The following TTBK1 variants were observed in gnomAD, a reference collection of about 807,000 sequenced individuals.
TTBK1 encodes the protein tau-tubulin kinase 1.
A neutral mutation model predicts 108.5 loss-of-function variants in TTBK1; 34 were observed. The observed-to-expected ratio is 0.31, with a 90% CI of 0.24 to 0.42. The LOEUF (loss-of-function observed/expected upper bound fraction) is 0.42. Among genes scored for constraint, TTBK1 ranks in the 10% least tolerant of loss-of-function variants. The pLI, the probability that TTBK1 is intolerant of heterozygous loss-of-function variation, is 1.00. For synonymous variants in TTBK1, 809 were observed against 795.1 expected (o/e 1.02, Z -0.29); for missense variants, 1,539 against 1,826.0 (o/e 0.84, Z 2.86).
Position 43,259,409 on chromosome 6 carries a change from TC to T in TTBK1, c.1249-118del. 1 of 1,315,576 alleles carries T rather than the reference TC, an allele frequency of 7.6e-7. No individual in the cohort carries two copies. The highest frequency in any genetic ancestry group is 1.0e-6 in the Non-Finnish European group (1 of 969,752). 81.5% of individuals were successfully genotyped at this position (1,315,576 alleles called of 1,614,324 possible). A position where few individuals can be genotyped will look rare whatever the true frequency, so the allele number is the denominator to read the frequency against. Reference sequence around the variant, plus strand: ...TGCCCTGCCTCTGTTTCCCGGTCCCTCCCCGCACTAGCCTCGCTGTGTCTTC... The same window carrying T: ...TGCCCTGCCTCTGTTTCCCGGTCCCTCCCGCACTAGCCTCGCTGTGTCTTC... On this transcript the variant is annotated intron_variant, in intron 11 of 14. Coordinates refer to ENST00000259750, the MANE Select transcript of TTBK1 (RefSeq NM_032538.3). The surrounding 1 kb of genome is among the most constrained non-coding windows in gnomAD (Gnocchi z 6.7).
intron 13 of TTBK1, among the ~76,000 whole-genome samples, chr6:43,266,998 CGTGTGTGTGTGTGT>C (rs3997628): frequency 0.017 from 2,123 of 128,184 alleles, 23 homozygotes; most frequent in African/African-American, 0.031. Flanking sequence ...CTGGAGCATG[CGTGTGTGTGTGTGT>C]GTGTGTGTGT....
At position 43,271,059 on chromosome 6, in the gene TTBK1, C is replaced by T. The variant is rs1325739009; in HGVS notation, c.1986+7709C>T. The T allele has an allele frequency of 5.1e-6, 5 of 985,356 alleles. No individual in the cohort carries two copies. The South Asian group carries it at 1.4e-4, about 28-fold the overall frequency. The allele number at this position is 985,356 out of a possible 1,614,324, so 61.0% of individuals were successfully genotyped here. A position where few individuals can be genotyped will look rare whatever the true frequency, so the allele number is the denominator to read the frequency against. On this transcript the variant is annotated intron_variant, in intron 13 of 14. Transcript: ENST00000259750. ...CTGCCTCTTCTGCCCATTTCTCAGCCCCCAACCTTCACTGCAGGGAGCCCA... is the reference window on the plus strand; with the variant it reads ...CTGCCTCTTCTGCCCATTTCTCAGCTCCCAACCTTCACTGCAGGGAGCCCA...
chr6:43,269,096 T>C lies in TTBK1; in HGVS notation c.1986+5746T>C, dbSNP rs1777755883. ...GGAGTTGGGATTCAAACACGAGTAA[T>C]TGGGCTCTAGAGTACCACCTTATGC... On this transcript the variant is annotated intron_variant, in intron 13 of 14. Transcript: ENST00000259750. The surrounding 1 kb of genome is among the most constrained non-coding windows in gnomAD (Gnocchi z 4.8). Among the ~76,000 whole-genome samples the C allele has an allele frequency of 1.3e-5, 2 of 152,226 alleles. No homozygotes were observed. The highest frequency in any genetic ancestry group is 4.8e-5 in the African/African-American group (2 of 41,468).
intron 2 of TTBK1, among the ~76,000 whole-genome samples, chr6:43,249,563 CCT>C (rs1029411682): frequency 1.3e-5 from 2 of 151,368 alleles, no homozygotes; most frequent in Admixed American, 6.6e-5. Flanking sequence ...ATTTTTTTCC[CCT>C]GATGATTTTT....
intron 13 of TTBK1, chr6:43,270,184 G>A (rs926582631): frequency 4.5e-6 from 6 of 1,346,304 alleles, no homozygotes; most frequent in Non-Finnish European, 4.7e-6. Context: ...GCCAAATGGT[G>A]CAGGGAGGGG....
rs749009814 is a variant in TTBK1, at chr6:43,246,706, G to C, written c.46G>C (p.Gly16Arg). 1.9e-6 allele frequency: 3 copies of C among 1,612,274 alleles called. No individual in the cohort carries two copies. Among genetic ancestry groups the C allele is most frequent in the Admixed American group, 3.3e-5 (2 of 59,776 alleles). The change falls in exon 2 of 15, where the codon GGG (glycine) becomes CGG (arginine). Residue 16 changes from glycine to arginine, a missense_variant. This residue lies in a region of TTBK1 where 45 missense variants were observed against 38.0 expected (regional missense o/e 1.19). Transcript: ENST00000259750. ...CCTTAAGGACGAAACCAACATGAGT[G>C]GGGGAGGGGAGCAGGCCGACATCCT... ...AALKDETNMS[G>R]GGEQADILPA...
intron 13 of TTBK1, chr6:43,271,014 G>T: frequency 1.0e-6 from 1 of 985,472 alleles, no homozygotes. Context: ...GTGGGGAAGT[G>T]TCAGGATGCC....
chr6:43,248,479 TTGG>T (rs1263195211), intron 2 of TTBK1, among the ~76,000 whole-genome samples: 1 of 151,980 alleles, frequency 6.6e-6, no homozygotes, highest in Non-Finnish European at 1.5e-5. Context: ...TCCCAGCACT[TTGG>T]GAGGTTGAGG....
rs763108283 is a variant in TTBK1, at chr6:43,283,026, AGAG to A, written c.2298_2300del (p.Glu771del). On this transcript the variant is annotated inframe_deletion, in exon 14 of 15. Coordinates refer to ENST00000259750, the MANE Select transcript of TTBK1 (RefSeq NM_032538.3). This position sits in a 1 kb window ranked among gnomAD's most constrained non-coding sequence, Gnocchi z 8.1. ...AGGAAGAGGAAGAGGAGGAGGAAGAAGAGGAGGAGGAGGAAGAGGAGGAGGAGG... is the reference window on the plus strand; with the variant it reads ...AGGAAGAGGAAGAGGAGGAGGAAGAAGAGGAGGAGGAAGAGGAGGAGGAGG... 1.3e-4 allele frequency: 199 copies of A among 1,589,500 alleles called. No homozygotes were observed. Among genetic ancestry groups the A allele is most frequent in the Middle Eastern group, 1.2e-3 (7 of 5,842 alleles).
In TTBK1 at chr6:43,282,098, G is replaced by A. The variant is rs1778180278; in HGVS notation, c.1987-629G>A. 6.6e-6 allele frequency among the ~76,000 whole-genome samples: 1 copy of A among 152,224 alleles called. No individual in the cohort carries two copies. Among genetic ancestry groups the A allele is most frequent in the Non-Finnish European group, 1.5e-5 (1 of 68,040 alleles). ...CTGAGAGGATGGATTGGAGGTCGAGGGGCCCAGCCTGCACTTTTAAGGGTA... is the reference window on the plus strand; with the variant it reads ...CTGAGAGGATGGATTGGAGGTCGAGAGGCCCAGCCTGCACTTTTAAGGGTA... On this transcript the variant is annotated intron_variant, in intron 13 of 14. Coordinates refer to ENST00000259750, the MANE Select transcript of TTBK1 (RefSeq NM_032538.3). This position sits in a 1 kb window ranked among gnomAD's most constrained non-coding sequence, Gnocchi z 5.4.
intron 13 of TTBK1, among the ~76,000 whole-genome samples, chr6:43,266,839 C>T (rs1010836395): frequency 5.3e-5 from 8 of 152,132 alleles, no homozygotes; most frequent in African/African-American, 1.9e-4. Context: ...TGGTCTTGAG[C>T]TCCTGACCTC....
chr6:43,279,893 G>A (rs1478077489), intron 13 of TTBK1, among the ~76,000 whole-genome samples: 5 of 151,760 alleles, frequency 3.3e-5, no homozygotes, highest in South Asian at 2.1e-4. Flanking sequence ...GACCACAGGC[G>A]TGCACAACCA....
Position 43,253,425 on chromosome 6 carries a change from T to TA in TTBK1, c.330+62dup. On this transcript the variant is annotated intron_variant, in intron 4 of 14. Transcript: ENST00000259750. The surrounding 1 kb of genome is among the most constrained non-coding windows in gnomAD (Gnocchi z 5.8). ...AAGAGCTTGGGCTGTGACTCCAGGG[T>TA]AGGGGAAGGGAAGGTAGACTGTGGC... The TA allele has an allele frequency of 6.2e-7, 1 of 1,606,198 alleles. No homozygotes were observed. The highest frequency in any genetic ancestry group is 8.5e-7 in the Non-Finnish European group (1 of 1,174,466).
chr6:43,286,450 G>T lies in TTBK1; in HGVS notation c.*1074G>T, dbSNP rs1778384880. On this transcript the variant is annotated 3_prime_UTR_variant, in exon 15 of 15. Transcript: ENST00000259750. This position sits in a 1 kb window ranked among gnomAD's most constrained non-coding sequence, Gnocchi z 4.6. ...TCGGAGATTCGGGGACTCAGTTCTGGTGGGGTCACCCTCCCTGTCCTCCCG... is the reference window on the plus strand; with the variant it reads ...TCGGAGATTCGGGGACTCAGTTCTGTTGGGGTCACCCTCCCTGTCCTCCCG... The T allele has an allele frequency of 6.6e-6, 1 of 152,644 alleles. No homozygotes were observed. Among genetic ancestry groups the T allele is most frequent in the Non-Finnish European group, 1.5e-5 (1 of 68,082 alleles). 9.5% of individuals were successfully genotyped at this position (152,644 alleles called of 1,614,324 possible). A position where few individuals can be genotyped will look rare whatever the true frequency, so the allele number is the denominator to read the frequency against.
At position 43,285,271 on chromosome 6, in the gene TTBK1, CT is replaced by C; in HGVS notation, c.3862del (p.Ser1288ProfsTer95). On this transcript the variant is annotated frameshift_variant, in exon 15 of 15. Coordinates refer to ENST00000259750, the MANE Select transcript of TTBK1 (RefSeq NM_032538.3). LOFTEE classifies it high-confidence loss of function. The surrounding 1 kb of genome is among the most constrained non-coding windows in gnomAD (Gnocchi z 4.7). Reference sequence around the variant, plus strand: ...CCCGGGCCCAGCCTGATGGCACCCCCTCCCCCGGGGGCTCCAAGAAAGGACC... The same window carrying C: ...CCCGGGCCCAGCCTGATGGCACCCCCCCCCCGGGGGCTCCAAGAAAGGACC... ...PARAQPDGTP[S>X]PGGSKKGPRG... 7.7e-7 allele frequency: 1 copy of C among 1,293,464 alleles called. No individual in the cohort carries two copies. The highest frequency in any genetic ancestry group is 9.8e-7 in the Non-Finnish European group (1 of 1,024,508). The allele number at this position is 1,293,464 out of a possible 1,614,324, so 80.1% of individuals were successfully genotyped here. A position where few individuals can be genotyped will look rare whatever the true frequency, so the allele number is the denominator to read the frequency against.
intron 13 of TTBK1, chr6:43,272,355 G>A (rs1026523587): frequency 1.4e-5 from 14 of 985,444 alleles, no homozygotes; most frequent in African/African-American, 3.5e-5. Flanking sequence ...GTGAAATATT[G>A]AAGATGATGG....
In TTBK1 at chr6:43,265,929, G is replaced by C. The variant is rs905670517; in HGVS notation, c.1986+2579G>C. On this transcript the variant is annotated intron_variant, in intron 13 of 14. Coordinates refer to ENST00000259750, the MANE Select transcript of TTBK1 (RefSeq NM_032538.3). The surrounding 1 kb of genome is among the most constrained non-coding windows in gnomAD (Gnocchi z 4.1). Reference sequence around the variant, plus strand: ...TTTTCTTACCTGCAGATTCCTACCTGTGTCCTGGGACTCATCCTCACTTTG... The same window carrying C: ...TTTTCTTACCTGCAGATTCCTACCTCTGTCCTGGGACTCATCCTCACTTTG... 1.3e-5 allele frequency among the ~76,000 whole-genome samples: 2 copies of C among 152,106 alleles called. No individual in the cohort carries two copies. The highest frequency in any genetic ancestry group is 6.5e-5 in the Admixed American group (1 of 15,272).
At chr6:43,251,588 G>A (rs189953750) in intron 2 of TTBK1, among the ~76,000 whole-genome samples, 217 of 152,308 alleles carry the variant, frequency 1.4e-3, no homozygotes, top group Non-Finnish European at 2.4e-3. Context: ...GAGCTGAAAT[G>A]ATTTTGAGCC....
In TTBK1 at chr6:43,283,545, G is replaced by A; in HGVS notation, c.2805G>A (p.Glu935=). 6.2e-7 allele frequency: 1 copy of A among 1,614,172 alleles called. No homozygotes were observed. Among genetic ancestry groups the A allele is most frequent in the East Asian group, 2.2e-5 (1 of 44,878 alleles). ...AGAGGACCTTTGTGCACATTGCGGA[G>A]AAAACCCACCTCAACGTCATGTCTT... ...KVERTFVHIA[E]KTHLNVMSSG... Residue 935 remains glutamate, a synonymous_variant, in exon 14 of 15, where the codon GAG becomes GAA. Coordinates refer to ENST00000259750, the MANE Select transcript of TTBK1 (RefSeq NM_032538.3). The surrounding 1 kb of genome is among the most constrained non-coding windows in gnomAD (Gnocchi z 8.1).
Sources: allele counts gnomAD v4.1 joint callset (sites outside exome capture counted in the v4.1 genomes callset), GRCh38; gene constraint gnomAD v4.1.1; regional missense constraint gnomAD v4.1.1; non-coding constraint Gnocchi (gnomAD v3.1); transcripts MANE v1.5; gene names NCBI Gene and HGNC (gene_info 2026-07-23, HGNC 2026-07-21).